ZNF800: variants seen among roughly 807,000 people sequenced by gnomAD.
The protein encoded by ZNF800 is zinc finger protein 800.
Under a neutral mutation model 59.5 loss-of-function variants are expected in ZNF800, and 13 were observed. That is an observed-to-expected ratio of 0.22 (90% CI 0.14 to 0.35). The LOEUF (loss-of-function observed/expected upper bound fraction) is 0.35. ZNF800 is among the 10% of genes least tolerant of loss of function. The probability of loss-of-function intolerance (pLI) is 1.00; values close to 1 mark genes in which losing one functional copy is unlikely to be tolerated. For missense variants in ZNF800, 621 were observed against 783.7 expected (o/e 0.79, Z 2.48); for synonymous variants, 266 against 265.7 (o/e 1.00, Z -0.01).
At chr7:127,386,192 A>G (rs748132770) in intron 2 of ZNF800, 37 bp from the exon 3 acceptor site, 2 of 1,288,860 alleles carry the variant, frequency 1.6e-6, no homozygotes, top group Non-Finnish European at 2.2e-6. Flanking sequence ...AATCCCCACA[A>G]AAAAAGGGTT....
intron 1 of ZNF800, chr7:127,360,432 A>G (rs551646358): frequency 6.6e-6 from 1 of 152,260 alleles, no homozygotes; most frequent in South Asian, 2.1e-4. Context: ...CAGACACTCT[A>G]TTTTGTAAAA....
At chr7:127,391,747 A>G (rs939311608) in intron 1 of ZNF800, 132 bp from the exon 2 acceptor site, 3 of 627,170 alleles carry the variant, frequency 4.8e-6, no homozygotes, top group Non-Finnish European at 8.6e-6. Context: ...CTCGAAAAGA[A>G]AACAGAAAGA....
chr7:127,359,295 A>G (rs1475114409), intron 1 of ZNF800, among the ~76,000 whole-genome samples: 1 of 152,098 alleles, frequency 6.6e-6, no homozygotes, highest in Non-Finnish European at 1.5e-5. Context: ...CCTGTCATGT[A>G]TCATAGCCCC....
chr7:127,365,772 T>C (rs1800492395), downstream of ZNF800, among the ~76,000 whole-genome samples: 1 of 152,152 alleles, frequency 6.6e-6, no homozygotes, highest in South Asian at 2.1e-4. Context: ...CTTGGCTTTA[T>C]CACAGATGTT....
chr7:127,349,048 T>TA (rs1418781589), intron 1 of ZNF800, among the ~76,000 whole-genome samples: 2 of 152,066 alleles, frequency 1.3e-5, no homozygotes, highest in African/African-American at 2.4e-5. Context: ...TTAACTCTAG[T>TA]AATAATTTCC....
intron 4 of ZNF800, among the ~76,000 whole-genome samples, chr7:127,375,557 T>C (rs1402273055): frequency 1.3e-5 from 2 of 152,106 alleles, no homozygotes; most frequent in South Asian, 2.1e-4. Context: ...TGTAAGCAAA[T>C]ATGTAAACAT....
rs891355403 is a variant in ZNF800 at position 127,392,518 on chromosome 7, G to A, written c.-517C>T. ...AACGGTCCCTCAGGCTTTAGGAGAG[G>A]GGCGGAGAAAAATGGGGGTCTCCCC... On this transcript the variant is annotated 5_prime_UTR_variant, in exon 1 of 6. Coordinates refer to ENST00000265827, the MANE Select transcript of ZNF800 (RefSeq NM_176814.5). 28 of 334,936 alleles carry A rather than the reference G, an allele frequency of 8.4e-5. No homozygotes were observed. Among genetic ancestry groups the A allele is most frequent in the African/African-American group, 4.7e-4 (22 of 47,138 alleles). 20.7% of individuals were successfully genotyped at this position (334,936 alleles called of 1,614,324 possible).
chr7:127,358,623 T>C (rs1292477399), intron 1 of ZNF800, among the ~76,000 whole-genome samples: 2 of 152,136 alleles, frequency 1.3e-5, no homozygotes, highest in African/African-American at 4.8e-5. Flanking sequence ...TGATTTCATG[T>C]CTCTGTACCT....
intron 1 of ZNF800, chr7:127,351,435 A>G (rs777102465): frequency 3.3e-5 from 5 of 152,310 alleles, no homozygotes; most frequent in Non-Finnish European, 7.3e-5. Flanking sequence ...ACCTTTAAAA[A>G]TGCACCATAT....
chr7:127,381,865 C>T (rs1326188058), intron 3 of ZNF800, among the ~76,000 whole-genome samples: 1 of 151,966 alleles, frequency 6.6e-6, no homozygotes, highest in East Asian at 1.9e-4. Flanking sequence ...CCTTCAGAAT[C>T]AGGACTGAAG....
chr7:127,382,814 T>C (rs1182942852), intron 3 of ZNF800, among the ~76,000 whole-genome samples: 1 of 152,196 alleles, frequency 6.6e-6, no homozygotes, highest in Non-Finnish European at 1.5e-5. Flanking sequence ...TTTGTATATG[T>C]ATAAAAGGTC....
In ZNF800 at chr7:127,374,865, T is replaced by G. The variant is rs181205501; in HGVS notation, c.471A>C (p.Thr157=). The G allele has an allele frequency of 6.2e-7, 1 of 1,613,968 alleles. No individual in the cohort carries two copies. Among genetic ancestry groups the G allele is most frequent in the Admixed American group, 1.7e-5 (1 of 60,000 alleles). The change falls in exon 5 of 6, where the codon ACA becomes ACC. Residue 157 remains threonine, a synonymous_variant. Coordinates refer to ENST00000265827, the MANE Select transcript of ZNF800 (RefSeq NM_176814.5). Reference sequence around the variant, plus strand: ...TTTGTTCAGGAGTACTGCTTGACTCTGTGACTTCAATAGGATTATCAGTCC... The same window carrying G: ...TTTGTTCAGGAGTACTGCTTGACTCGGTGACTTCAATAGGATTATCAGTCC... ...ISRTDNPIEV[T]ESSSTPEQTE...
At chr7:127,360,660 A>T (rs1800376360) in intron 1 of ZNF800, 1 of 152,096 alleles carries the variant, frequency 6.6e-6, no homozygotes, top group East Asian at 1.9e-4. Flanking sequence ...AAGTCATCCA[A>T]GATGGAAACT....
intron 4 of ZNF800, among the ~76,000 whole-genome samples, chr7:127,375,499 GTCTAA>G (rs933196657): frequency 9.9e-5 from 15 of 151,934 alleles, no homozygotes; most frequent in African/African-American, 2.7e-4. Flanking sequence ...ATCCATAATA[GTCTAA>G]TCTAATCTAG....
downstream of ZNF800, among the ~76,000 whole-genome samples, chr7:127,346,255 G>A (rs1287422960): frequency 6.6e-6 from 1 of 152,210 alleles, no homozygotes; most frequent in African/African-American, 2.4e-5. Context: ...ATTTTGAGGA[G>A]ATGAAAAGGT....
At chr7:127,367,014 C>A (rs900588802), downstream of ZNF800, among the ~76,000 whole-genome samples, 4 of 152,130 alleles carry the variant, frequency 2.6e-5, no homozygotes, top group Non-Finnish European at 5.9e-5. Flanking sequence ...TGAGAAGATA[C>A]AGAGTGAGGT....
downstream of ZNF800, among the ~76,000 whole-genome samples, chr7:127,366,013 A>C (rs1800499053): frequency 6.6e-6 from 1 of 152,146 alleles, no homozygotes; most frequent in Non-Finnish European, 1.5e-5. Flanking sequence ...TTCCCACAAT[A>C]AACCTACCTA....
In ZNF800 at chr7:127,391,395, T is replaced by A. The variant is rs1453343783; in HGVS notation, c.61+102A>T. 3 of 1,152,286 alleles carry A rather than the reference T, an allele frequency of 2.6e-6. No homozygotes were observed. In the African/African-American group the frequency reaches 4.6e-5, roughly 18 times the overall value. 71.4% of individuals were successfully genotyped at this position (1,152,286 alleles called of 1,614,324 possible). The stretch of plus-strand genomic sequence containing the variant: ...ATGCTAGGGAATATCATAGCCTGCT[T>A]AAGAATGACTACTGGGGCAGGAGGA... On this transcript the variant is annotated intron_variant, in intron 2 of 5. Coordinates refer to ENST00000265827, the MANE Select transcript of ZNF800 (RefSeq NM_176814.5).
At chr7:127,385,600 T>C (rs1284647415) in intron 3 of ZNF800, among the ~76,000 whole-genome samples, 1 of 152,014 alleles carries the variant, frequency 6.6e-6, no homozygotes, top group Non-Finnish European at 1.5e-5. Context: ...CTCCACAAAC[T>C]CAAGGGTTAG....
Sources: gnomAD v4.1 joint callset for allele counts (sites outside exome capture counted in the v4.1 genomes callset) on GRCh38, gnomAD v4.1.1 for gene constraint, MANE v1.5 for transcripts, NCBI Gene and HGNC (gene_info 2026-07-23, HGNC 2026-07-21) for gene names.